Variants in POPDC3 observed in about 807,000 individuals in gnomAD.
POPDC3 encodes the protein popeye domain cAMP effector 3.
POPDC3 carries 20 observed loss-of-function variants against 28.2 expected under a neutral mutation model. The ratio of observed to expected loss-of-function variants is 0.71; its 90% confidence interval spans 0.50 to 1.03. The LOEUF (loss-of-function observed/expected upper bound fraction) is 1.03, where lower values mean the gene tolerates loss of function less well. Ranked by LOEUF, POPDC3 falls within the 50% of genes least tolerant of loss-of-function variation. POPDC3 has a pLI of 0.00. For synonymous variants in POPDC3, 118 were observed against 124.1 expected, an observed-to-expected ratio of 0.95 and a Z score of 0.33; for missense variants, 316 against 345.9, an observed-to-expected ratio of 0.91 and a Z score of 0.69.
In POPDC3 at chr6:105,161,618, G is replaced by C; in HGVS notation, c.292C>G (p.Gln98Glu). Residue 98 changes from glutamine to glutamate, a missense_variant, in exon 2 of 4, where the codon CAA becomes GAA. Transcript: ENST00000254765. ...CFMQFVHIAY[Q>E]VRSITFAREF... is the part of the protein sequence containing the mutation. ...CGGGCAAAGGTTATGCTGCGAACTT[G>C]ATATGCAATATGAACAAATTGCATG... is the stretch of plus-strand genomic sequence containing the variant. The C allele has an allele frequency of 6.2e-7, 1 of 1,614,192 alleles. No individual in the cohort carries two copies. The highest frequency in any genetic ancestry group is 1.1e-5 in the South Asian group (1 of 91,078).
At chr6:105,162,648 C>G (rs1229133197) in intron 1 of POPDC3, among the ~76,000 whole-genome samples, 2 of 152,228 alleles carry the variant, frequency 1.3e-5, no homozygotes, top group Non-Finnish European at 2.9e-5. Flanking sequence ...ACAAGAATCA[C>G]TTGAACTTGG....
intron 1 of POPDC3, among the ~76,000 whole-genome samples, chr6:105,170,885 T>C (rs1208771479): frequency 6.6e-6 from 1 of 152,178 alleles, no homozygotes; most frequent in Non-Finnish European, 1.5e-5. Flanking sequence ...TGGCACTTGA[T>C]ATTAAAAAAA....
At chr6:105,165,106 C>T (rs1774430481) in intron 1 of POPDC3, among the ~76,000 whole-genome samples, 2 of 152,190 alleles carry the variant, frequency 1.3e-5, no homozygotes, top group African/African-American at 2.4e-5. Context: ...TCAGGTAAAA[C>T]AGGTGGTGGC....
At chr6:105,178,438 T>A (rs1774719813) in intron 1 of POPDC3, among the ~76,000 whole-genome samples, 1 of 152,190 alleles carries the variant, frequency 6.6e-6, no homozygotes, top group Non-Finnish European at 1.5e-5. Context: ...ATGATTCAGC[T>A]ATTTTGAGGG....
chr6:105,166,960 G>T (rs1464417747), intron 1 of POPDC3, among the ~76,000 whole-genome samples: 3 of 151,346 alleles, frequency 2.0e-5, no homozygotes, highest in Non-Finnish European at 2.9e-5. Context: ...AAATATATTT[G>T]AAATTTTCCT....
intron 1 of POPDC3, 32 bp from the exon 2 acceptor site, chr6:105,162,192 A>G (rs1361218114): frequency 3.5e-6 from 4 of 1,155,848 alleles, no homozygotes; most frequent in Non-Finnish European, 4.3e-6. Flanking sequence ...AAAGGATCTA[A>G]TTAAACAAAA....
At chr6:105,177,104 A>G (rs1456437216) in intron 1 of POPDC3, 2 of 283,900 alleles carry the variant, frequency 7.0e-6, no homozygotes, top group Non-Finnish European at 1.1e-5. Context: ...AACCATCAAC[A>G]CTGTCATATT....
intron 1 of POPDC3, among the ~76,000 whole-genome samples, chr6:105,178,135 G>A (rs778055190): frequency 6.6e-6 from 1 of 152,226 alleles, no homozygotes; most frequent in Non-Finnish European, 1.5e-5. Context: ...ATTACAAAAT[G>A]TGATCTCAAC....
At chr6:105,170,838 CATCT>C (rs1414793219) in intron 1 of POPDC3, among the ~76,000 whole-genome samples, 3 of 152,124 alleles carry the variant, frequency 2.0e-5, no homozygotes, top group East Asian at 1.9e-4. Context: ...AGCACAGTTA[CATCT>C]ATCTATCTTA....
chr6:105,161,913 T>C lies in POPDC3; in HGVS notation c.-4A>G. The C allele has an allele frequency of 6.3e-7, 1 of 1,585,158 alleles. No homozygotes were observed. Among genetic ancestry groups the C allele is most frequent in the Non-Finnish European group, 8.6e-7 (1 of 1,167,714 alleles). ...ATAAACTTGAATTTCTTTCCATGGC[T>C]GTATTACTGCCTGCTTCACTTTTCA... On this transcript the variant is annotated 5_prime_UTR_variant, in exon 2 of 4. Transcript: ENST00000254765.
rs1156414695 is a variant in POPDC3 at position 105,161,480 on chromosome 6, A to G, written c.430T>C (p.Tyr144His). Residue 144 changes from tyrosine (Y) to histidine (H), a missense_variant, in exon 2 of 4, where the codon TAT (tyrosine) becomes CAT (histidine). Physicochemically the swap from Tyr to His is moderately conservative, Grantham distance 83. Coordinates refer to ENST00000254765, the MANE Select transcript of POPDC3 (RefSeq NM_022361.5). ...EVVTLEKEHC[Y>H]AMQGKTSIDK... ...ATGGAAGTTTTCCCCTGCATGGCAT[A>G]ACAGTGTTCCTTTTCCAAAGTAACC... 14 of 1,614,202 alleles carry G rather than the reference A, an allele frequency of 8.7e-6. No individual in the cohort carries two copies. Among genetic ancestry groups the G allele is most frequent in the Non-Finnish European group, 1.2e-5 (14 of 1,180,016 alleles).
chr6:105,176,619 C>T (rs1582999401), intron 1 of POPDC3, among the ~76,000 whole-genome samples: 1 of 152,042 alleles, frequency 6.6e-6, no homozygotes, highest in Non-Finnish European at 1.5e-5. Context: ...TGCGGTGGCG[C>T]GATCTCAGCT....
At chr6:105,163,431 T>C (rs192948731) in intron 1 of POPDC3, among the ~76,000 whole-genome samples, 1 of 152,346 alleles carries the variant, frequency 6.6e-6, no homozygotes, top group East Asian at 1.9e-4. Context: ...CCCAGTTTCC[T>C]AACAATAAAT....
intron 1 of POPDC3, among the ~76,000 whole-genome samples, chr6:105,163,101 G>A (rs539617492): frequency 6.6e-6 from 1 of 152,112 alleles, no homozygotes; most frequent in Non-Finnish European, 1.5e-5. Context: ...AACATAATTA[G>A]AAGTCACATT....
intron 1 of POPDC3, among the ~76,000 whole-genome samples, chr6:105,171,153 C>T (rs1314876360): frequency 6.6e-6 from 1 of 152,156 alleles, no homozygotes; most frequent in Non-Finnish European, 1.5e-5. Flanking sequence ...TTTTGTGTAT[C>T]CCTACATGGC....
intron 2 of POPDC3, among the ~76,000 whole-genome samples, chr6:105,161,170 T>C (rs1407658848): frequency 2.6e-5 from 4 of 152,234 alleles, no homozygotes; most frequent in Admixed American, 6.5e-5. Flanking sequence ...TCATATCACA[T>C]AAACAAATTC....
intron 1 of POPDC3, chr6:105,179,176 TAAGAC>T (rs1015998970): frequency 2.0e-6 from 2 of 985,350 alleles, no homozygotes; most frequent in Non-Finnish European, 2.4e-6. Context: ...GACATGGTGA[TAAGAC>T]AATTTAGGGG....
In POPDC3 at chr6:105,173,856, GAA is replaced by G. The variant is rs11327500; in HGVS notation, c.-252+5975_-252+5976del. 2.4e-3 allele frequency among the ~76,000 whole-genome samples: 360 copies of G among 149,296 alleles called. 1 individual carries two copies. The highest frequency in any genetic ancestry group is 3.6e-3 in the South Asian group (17 of 4,710). On this transcript the variant is annotated intron_variant, in intron 1 of 3. Transcript: ENST00000254765. ...TGGAAAGAAAAAGCATTCATAATGG[GAA>G]AAAAAAAAACCCTGAAATTAAGAAC...
At chr6:105,158,842 G>C in intron 3 of POPDC3, 91 bp from the exon 4 acceptor site, 1 of 1,175,924 alleles carries the variant, frequency 8.5e-7, no homozygotes, top group Non-Finnish European at 1.2e-6. Context: ...TTAATTTCAC[G>C]TGCTGCCTTT....
Sources: allele counts gnomAD v4.1 joint callset (sites outside exome capture counted in the v4.1 genomes callset), GRCh38; gene constraint gnomAD v4.1.1; transcripts MANE v1.5; gene names NCBI Gene and HGNC (gene_info 2026-07-23, HGNC 2026-07-21).